Variants in RCL1 observed in about 807,000 individuals in gnomAD.
The protein encoded by RCL1 is RNA terminal phosphate cyclase like 1, also known as RNA 3'-terminal phosphate cyclase-like protein.
In RCL1, 24 loss-of-function variants were observed where a neutral mutation model predicts 42.4. That is an observed-to-expected ratio of 0.57 (90% CI 0.41 to 0.80). The LOEUF is 0.80. RCL1 is among the 30% of genes least tolerant of loss of function. The probability of loss-of-function intolerance (pLI) is 0.00; values close to 1 mark genes in which losing one functional copy is unlikely to be tolerated. For missense variants in RCL1, 578 were observed against 467.9 expected, an observed-to-expected ratio of 1.24 and a Z score of -2.17; for synonymous variants, 228 against 177.3, an observed-to-expected ratio of 1.29 and a Z score of -2.27.
At chr9:4,796,919 G>A (rs1240435611) in intron 1 of RCL1, among the ~76,000 whole-genome samples, 1 of 152,164 alleles carries the variant, frequency 6.6e-6, no homozygotes, top group Admixed American at 6.5e-5. Context: ...CCATATGGTA[G>A]TTCTATTTTT....
chr9:4,823,743 G>T, intron 2 of RCL1, 124 bp downstream of exon 2: 1 of 633,788 alleles, frequency 1.6e-6, no homozygotes, highest in Non-Finnish European at 2.7e-6. Flanking sequence ...TCTTTTTAAT[G>T]GTATAAATAT....
chr9:4,799,043 C>G (rs1698365591), intron 1 of RCL1, among the ~76,000 whole-genome samples: 1 of 114,010 alleles, frequency 8.8e-6, no homozygotes, highest in African/African-American at 3.4e-5. Flanking sequence ...CCCCCTTCCC[C>G]CCTCTCTCCC....
At chr9:4,800,062 C>A (rs769058543) in intron 1 of RCL1, among the ~76,000 whole-genome samples, 2 of 152,122 alleles carry the variant, frequency 1.3e-5, no homozygotes, top group African/African-American at 2.4e-5. Flanking sequence ...ATGTTTTTAT[C>A]AAGTTTGTTC....
chr9:4,832,045 T>C (rs1816959675), intron 3 of RCL1, among the ~76,000 whole-genome samples: 1 of 152,184 alleles, frequency 6.6e-6, no homozygotes, highest in Non-Finnish European at 1.5e-5. Flanking sequence ...GAACAAGTAA[T>C]GGAGTAATTT....
chr9:4,801,750 C>T (rs1843004472), intron 1 of RCL1, among the ~76,000 whole-genome samples: 3 of 148,790 alleles, frequency 2.0e-5, no homozygotes, highest in Non-Finnish European at 1.5e-5. Flanking sequence ...TATGGAAAGC[C>T]AATTGCCCAA....
intron 1 of RCL1, among the ~76,000 whole-genome samples, chr9:4,819,739 G>A (rs764827824): frequency 5.3e-5 from 8 of 152,128 alleles, no homozygotes; most frequent in Non-Finnish European, 1.2e-4. Context: ...CCCGGGAGGC[G>A]GAGGTTGCAG....
At chr9:4,818,393 A>C (rs1316844006) in intron 1 of RCL1, among the ~76,000 whole-genome samples, 1 of 152,146 alleles carries the variant, frequency 6.6e-6, no homozygotes, top group East Asian at 1.9e-4. Flanking sequence ...TTTTTTATTT[A>C]TCACATTGTA....
intron 3 of RCL1, among the ~76,000 whole-genome samples, chr9:4,830,600 A>T (rs2131009599): frequency 6.6e-6 from 1 of 152,330 alleles, no homozygotes; most frequent in Middle Eastern, 3.4e-3. Context: ...CCAATGGTGG[A>T]TGAAGATTCC....
intron 7 of RCL1, among the ~76,000 whole-genome samples, chr9:4,847,892 G>A (rs1245828682): frequency 6.6e-6 from 1 of 152,100 alleles, no homozygotes; most frequent in Admixed American, 6.5e-5. Flanking sequence ...CCCAAACCCT[G>A]CTCATCTCTC....
intron 7 of RCL1, 110 bp from the exon 8 acceptor site, chr9:4,849,337 G>T: frequency 1.3e-6 from 1 of 750,292 alleles, no homozygotes. Flanking sequence ...ATTGTTGCTT[G>T]AACTTTGGAT....
intron 8 of RCL1, among the ~76,000 whole-genome samples, chr9:4,856,246 G>T (rs1181609038): frequency 6.6e-6 from 1 of 152,176 alleles, no homozygotes; most frequent in Non-Finnish European, 1.5e-5. Flanking sequence ...TGGATAGAAA[G>T]CAACAACGAC....
At chr9:4,826,203 G>A (rs919372023) in intron 2 of RCL1, among the ~76,000 whole-genome samples, 3 of 152,142 alleles carry the variant, frequency 2.0e-5, no homozygotes, top group African/African-American at 7.2e-5. Context: ...CTGTGATCAT[G>A]CCGCTGTACT....
intron 5 of RCL1, among the ~76,000 whole-genome samples, chr9:4,836,209 A>G (rs970569940): frequency 1.3e-5 from 2 of 152,224 alleles, no homozygotes; most frequent in Non-Finnish European, 1.5e-5. Flanking sequence ...ATCCAGTGGC[A>G]GTTGGCAGCC....
At chr9:4,836,713 A>C (rs1388269506) in intron 5 of RCL1, 1 of 152,208 alleles carries the variant, frequency 6.6e-6, no homozygotes, top group East Asian at 1.9e-4. Context: ...TACTTGGAGG[A>C]AGAAAGGTGT....
At position 4,836,935 on chromosome 9, in the gene RCL1, G is replaced by A. The variant is rs111958437; in HGVS notation, c.584+2670G>A. On this transcript the variant is annotated intron_variant, in intron 5 of 8. Coordinates refer to ENST00000381750, the MANE Select transcript of RCL1 (RefSeq NM_005772.5). ...CTTCCTGGGTTATGGTCTGTTCTCT[G>A]CATGGCTGTCCCCCAGCCCATGTAA... Among the ~76,000 whole-genome samples, 1,306 of 152,226 alleles carry A rather than the reference G, an allele frequency of 8.6e-3. 7 individuals are homozygous for A. Among genetic ancestry groups the A allele is most frequent in the Non-Finnish European group, 0.013 (851 of 68,006 alleles).
intron 1 of RCL1, among the ~76,000 whole-genome samples, chr9:4,818,078 G>C (rs1215808483): frequency 6.6e-6 from 1 of 151,638 alleles, no homozygotes; most frequent in East Asian, 1.9e-4. Flanking sequence ...CTACCACCTT[G>C]CCCAGCTCAT....
chr9:4,809,216 G>C (rs1194137170), intron 1 of RCL1, among the ~76,000 whole-genome samples: 1 of 152,048 alleles, frequency 6.6e-6, no homozygotes, highest in African/African-American at 2.4e-5. Flanking sequence ...ATTAAATAAA[G>C]CAGCAGTAAA....
At position 4,860,545 on chromosome 9, in the gene RCL1, C is replaced by A; in HGVS notation, c.*270C>A. 1 of 408,804 alleles carries A rather than the reference C, an allele frequency of 2.4e-6. No homozygotes were observed. Among genetic ancestry groups the A allele is most frequent in the Admixed American group, 4.7e-5 (1 of 21,408 alleles). 25.3% of individuals were successfully genotyped at this position (408,804 alleles called of 1,614,324 possible). A position where few individuals can be genotyped will look rare whatever the true frequency, so the allele number is the denominator to read the frequency against. On this transcript the variant is annotated 3_prime_UTR_variant, in exon 9 of 9. Transcript: ENST00000381750. ...GGAGGAAGAATGTGCCTTCAGGCCA[C>A]AGTCGTGCTGCTAGAACAGTCTCGT...
chr9:4,852,293 A>T (rs543762448), intron 8 of RCL1, among the ~76,000 whole-genome samples: 61 of 152,294 alleles, frequency 4.0e-4, no homozygotes, highest in African/African-American at 1.3e-3. Context: ...GTTGAGTTTT[A>T]GGTGGCTTAC....
Sources: gnomAD v4.1 joint callset for allele counts (sites outside exome capture counted in the v4.1 genomes callset) on GRCh38, gnomAD v4.1.1 for gene constraint, MANE v1.5 for transcripts, NCBI Gene and HGNC (gene_info 2026-07-23, HGNC 2026-07-21) for gene names.